The following UBE2R2 variants were observed in gnomAD, a reference collection of about 807,000 sequenced individuals.
UBE2R2 encodes ubiquitin-conjugating enzyme E2 R2.
UBE2R2 carries 1 observed loss-of-function variant against 27.8 expected under a neutral mutation model. That is an observed-to-expected ratio of 0.04 (90% CI 0.01 to 0.17). The LOEUF is 0.17. UBE2R2 is among the 10% of genes least tolerant of loss of function. The pLI is 1.00. For synonymous variants in UBE2R2, 106 were observed against 113.3 expected (o/e 0.94, Z 0.41); for missense variants, 100 against 291.0 (o/e 0.34, Z 4.78).
Position 33,817,569 on chromosome 9 carries a change from G to C in UBE2R2, c.-189G>C, listed in dbSNP as rs1825826895. 4.4e-6 allele frequency: 2 copies of C among 459,254 alleles called. No homozygotes were observed. Among genetic ancestry groups the C allele is most frequent in the Non-Finnish European group, 6.0e-6 (2 of 331,714 alleles). The allele number at this position is 459,254 out of a possible 1,614,324, so 28.4% of individuals were successfully genotyped here. On this transcript the variant is annotated 5_prime_UTR_variant, in exon 1 of 5. Coordinates refer to ENST00000263228, the MANE Select transcript of UBE2R2 (RefSeq NM_017811.4). ...AGAAGGGCCCGGCCCGGCCTGCGTC[G>C]TGTGTGAGGAGGACCCCGGGCGGGC...
intron 1 of UBE2R2, among the ~76,000 whole-genome samples, chr9:33,881,675 G>A (rs765124027): frequency 6.6e-6 from 1 of 152,128 alleles, no homozygotes; most frequent in Non-Finnish European, 1.5e-5. Context: ...TTTTTCTCAT[G>A]ACTAGAATGG....
intron 1 of UBE2R2, among the ~76,000 whole-genome samples, chr9:33,869,427 A>T (rs1244456753): frequency 8.8e-5 from 7 of 79,476 alleles, no homozygotes; most frequent in South Asian, 5.4e-4. Context: ...ACAATGTTTT[A>T]TTTATTTATT....
At chr9:33,887,000 G>T in intron 2 of UBE2R2, 33 bp downstream of exon 2, 2 of 1,547,660 alleles carry the variant, frequency 1.3e-6, no homozygotes, top group African/African-American at 1.4e-5. Flanking sequence ...TTTCTCTGAA[G>T]ATTTTTTTTT....
chr9:33,818,020 T>C (rs1825851446), intron 1 of UBE2R2, 86 bp downstream of exon 1: 2 of 1,491,372 alleles, frequency 1.3e-6, no homozygotes, highest in Admixed American at 4.2e-5. Flanking sequence ...GGACCAGGAG[T>C]ATGAGCACGG....
chr9:33,882,030 A>G (rs1182886438), intron 1 of UBE2R2, among the ~76,000 whole-genome samples: 1 of 152,112 alleles, frequency 6.6e-6, no homozygotes, highest in East Asian at 1.9e-4. Flanking sequence ...GTACTCATTT[A>G]TATTTATTTC....
chr9:33,917,287 A>C lies in UBE2R2; in HGVS notation c.*50A>C, dbSNP rs1455607046. On this transcript the variant is annotated 3_prime_UTR_variant, in exon 5 of 5. Coordinates refer to ENST00000263228, the MANE Select transcript of UBE2R2 (RefSeq NM_017811.4). ...TGCCCTGCCATCTCAGGCCAAAGGG[A>C]GGGGAGCAAGTGGGGACCTGGCCAT... The C allele has an allele frequency of 1.2e-6, 2 of 1,604,538 alleles. No individual in the cohort carries two copies. Among genetic ancestry groups the C allele is most frequent in the Non-Finnish European group, 1.7e-6 (2 of 1,176,036 alleles).
chr9:33,871,736 A>C (rs1360398569), intron 1 of UBE2R2, among the ~76,000 whole-genome samples: 1 of 152,120 alleles, frequency 6.6e-6, no homozygotes, highest in Non-Finnish European at 1.5e-5. Flanking sequence ...TTTGAGACGG[A>C]GTCTCGCTCT....
chr9:33,848,704 C>A (rs150594997), intron 1 of UBE2R2, among the ~76,000 whole-genome samples: 1 of 151,662 alleles, frequency 6.6e-6, no homozygotes, highest in African/African-American at 2.4e-5. Context: ...CAGGTTCTAG[C>A]AATTCTCCTG....
At chr9:33,872,615 C>T (rs10971756) in intron 1 of UBE2R2, among the ~76,000 whole-genome samples, 29,975 of 151,706 alleles carry the variant, frequency 0.2, 3,238 homozygotes, top group South Asian at 0.33. Flanking sequence ...GGAGAAACCC[C>T]GTCTCTACTA....
In UBE2R2 at chr9:33,917,119, A is replaced by G; in HGVS notation, c.599A>G (p.Asp200Gly). ...YCIKTKVPSN[D>G]NSSDLLYDDL... Reference sequence around the variant, plus strand: ...ATCAAAACTAAAGTGCCTTCCAATGACAACAGCTCAGATTTGCTTTACGAC... The same window carrying G: ...ATCAAAACTAAAGTGCCTTCCAATGGCAACAGCTCAGATTTGCTTTACGAC... Residue 200 changes from aspartate to glycine, a missense_variant, in exon 5 of 5, where the codon GAC becomes GGC. Asp to Gly is a moderately conservative substitution (Grantham distance 94). This residue lies in a region of UBE2R2 where 55 missense variants were observed against 122.6 expected (regional missense o/e 0.45). Coordinates refer to ENST00000263228, the MANE Select transcript of UBE2R2 (RefSeq NM_017811.4). The G allele has an allele frequency of 6.2e-7, 1 of 1,614,238 alleles. No individual in the cohort carries two copies. Among genetic ancestry groups the G allele is most frequent in the Non-Finnish European group, 8.5e-7 (1 of 1,180,048 alleles).
At chr9:33,840,497 T>C (rs944995226) in intron 1 of UBE2R2, among the ~76,000 whole-genome samples, 7 of 152,318 alleles carry the variant, frequency 4.6e-5, no homozygotes, top group African/African-American at 1.7e-4. Flanking sequence ...ACACTCATGT[T>C]GCATCTTTCT....
chr9:33,828,435 G>T (rs184717583), intron 1 of UBE2R2, among the ~76,000 whole-genome samples: 2 of 142,724 alleles, frequency 1.4e-5, no homozygotes, highest in East Asian at 4.1e-4. Context: ...TGTCGTCCAC[G>T]CTGGAGTGCA....
intron 4 of UBE2R2, among the ~76,000 whole-genome samples, chr9:33,916,351 G>A (rs940977054): frequency 1.3e-5 from 2 of 152,138 alleles, no homozygotes; most frequent in Non-Finnish European, 2.9e-5. Flanking sequence ...GGGTGGGGAA[G>A]AGTGGGTCGT....
At chr9:33,826,000 G>A (rs1820307501) in intron 1 of UBE2R2, among the ~76,000 whole-genome samples, 4 of 152,058 alleles carry the variant, frequency 2.6e-5, no homozygotes, top group South Asian at 2.1e-4. Context: ...AAAAGTAGCC[G>A]GGTGTGGTGG....
chr9:33,900,116 T>C, intron 2 of UBE2R2, 58 bp from the exon 3 acceptor site: 1 of 1,370,970 alleles, frequency 7.3e-7, no homozygotes, highest in Non-Finnish European at 1.0e-6. Flanking sequence ...AGAACCGATG[T>C]CCCTTTTTGT....
intron 1 of UBE2R2, among the ~76,000 whole-genome samples, chr9:33,838,230 TTTAGTTTGTA>T (rs1820655494): frequency 6.6e-6 from 1 of 151,680 alleles, no homozygotes; most frequent in Admixed American, 6.6e-5. Flanking sequence ...AGCTGTATTT[TTTAGTTTGTA>T]TTATTTTTTA....
chr9:33,908,708 T>G (rs936455154), intron 3 of UBE2R2, among the ~76,000 whole-genome samples: 11 of 152,260 alleles, frequency 7.2e-5, no homozygotes, highest in African/African-American at 2.7e-4. Context: ...ATACACAAGA[T>G]GTAAGAAAAC....
intron 1 of UBE2R2, among the ~76,000 whole-genome samples, chr9:33,832,106 C>T (rs7873514): frequency 7.1e-6 from 1 of 141,500 alleles, no homozygotes; most frequent in Non-Finnish European, 1.5e-5. Flanking sequence ...GTTGGGAGTT[C>T]GAGACCAGCC....
At chr9:33,848,120 A>G (rs1008336515) in intron 1 of UBE2R2, among the ~76,000 whole-genome samples, 14 of 152,282 alleles carry the variant, frequency 9.2e-5, no homozygotes, top group African/African-American at 3.4e-4. Context: ...TACAGATTCT[A>G]GGTACTGTAT....
Sources: allele counts gnomAD v4.1 joint callset (sites outside exome capture counted in the v4.1 genomes callset), GRCh38; gene constraint gnomAD v4.1.1; regional missense constraint gnomAD v4.1.1; transcripts MANE v1.5; gene names NCBI Gene and HGNC (gene_info 2026-07-23, HGNC 2026-07-21).